RETREG1: variants seen among roughly 807,000 people sequenced by gnomAD.
RETREG1 encodes family with sequence similarity 134 member B.
RETREG1 carries 44 observed loss-of-function variants against 54.8 expected under a neutral mutation model. The ratio of observed to expected loss-of-function variants is 0.80; its 90% CI spans 0.63 to 1.03. The LOEUF is 1.03. RETREG1 is among the 50% of genes least tolerant of loss of function. The pLI is 0.00. For missense variants in RETREG1, 554 were observed against 605.1 expected (o/e 0.92, Z 0.89); for synonymous variants, 217 against 238.5 (o/e 0.91, Z 0.83).
chr5:16,545,751 C>T (rs1275645768), intron 3 of RETREG1, among the ~76,000 whole-genome samples: 2 of 152,208 alleles, frequency 1.3e-5, no homozygotes, highest in South Asian at 2.1e-4. Flanking sequence ...CCATAAGATG[C>T]CCCAAGTCCA....
chr5:16,492,068 G>A (rs1739268821), intron 3 of RETREG1, among the ~76,000 whole-genome samples: 1 of 152,114 alleles, frequency 6.6e-6, no homozygotes, highest in Non-Finnish European at 1.5e-5. Flanking sequence ...GTAGAGAACA[G>A]AACTGGGCCC....
At chr5:16,486,158 C>A (rs1739012488) in intron 3 of RETREG1, among the ~76,000 whole-genome samples, 1 of 151,870 alleles carries the variant, frequency 6.6e-6, no homozygotes, top group Non-Finnish European at 1.5e-5. Context: ...TCATTGTGTA[C>A]AACCTGAAAA....
intron 1 of RETREG1, among the ~76,000 whole-genome samples, chr5:16,599,631 G>A (rs1398549690): frequency 1.3e-5 from 2 of 152,302 alleles, no homozygotes; most frequent in East Asian, 3.9e-4. Context: ...CCACGGTGCT[G>A]GGATACATGC....
intron 1 of RETREG1, among the ~76,000 whole-genome samples, chr5:16,599,571 AG>A (rs1170900232): frequency 1.3e-5 from 2 of 152,152 alleles, no homozygotes; most frequent in Admixed American, 6.5e-5. Context: ...GAAAAAGCAG[AG>A]GGTGTCACTA....
rs540486084 is a variant in RETREG1, at chr5:16,519,217, G to A, written c.459-35745C>T. Among the ~76,000 whole-genome samples the A allele has an allele frequency of 6.6e-5, 10 of 152,310 alleles. No individual in the cohort carries two copies. The South Asian group carries it at 2.1e-3, about 32-fold the overall frequency. ...GCTGCGTGGTGGGTGGAATCACACTGAGACTTGTCCTAGATCAGCGGCTTT... is the reference window on the plus strand; with the variant it reads ...GCTGCGTGGTGGGTGGAATCACACTAAGACTTGTCCTAGATCAGCGGCTTT... On this transcript the variant is annotated intron_variant, in intron 3 of 8. Coordinates refer to ENST00000306320, the MANE Select transcript of RETREG1 (RefSeq NM_001034850.3).
At chr5:16,576,038 G>A (rs1742307811) in intron 1 of RETREG1, among the ~76,000 whole-genome samples, 1 of 152,090 alleles carries the variant, frequency 6.6e-6, no homozygotes, top group Admixed American at 6.5e-5. Flanking sequence ...ATATTTGGGA[G>A]GGTTTGTGTT....
chr5:16,482,239 G>A (rs1206553925), intron 4 of RETREG1, among the ~76,000 whole-genome samples: 1 of 151,944 alleles, frequency 6.6e-6, no homozygotes, highest in Non-Finnish European at 1.5e-5. Flanking sequence ...GCCAAGAAAA[G>A]CATTACTATA....
At chr5:16,526,740 C>G (rs532791985) in intron 3 of RETREG1, among the ~76,000 whole-genome samples, 1 of 152,226 alleles carries the variant, frequency 6.6e-6, no homozygotes, top group Non-Finnish European at 1.5e-5. Flanking sequence ...TTCAATATTT[C>G]TAATTCTATT....
chr5:16,477,355 C>T (rs1424710503), intron 8 of RETREG1, among the ~76,000 whole-genome samples: 1 of 152,124 alleles, frequency 6.6e-6, no homozygotes, highest in African/African-American at 2.4e-5. Context: ...TTAACAGTCA[C>T]TCACTATTCC....
At chr5:16,602,889 T>C (rs1199987092) in intron 1 of RETREG1, among the ~76,000 whole-genome samples, 2 of 151,998 alleles carry the variant, frequency 1.3e-5, no homozygotes, top group African/African-American at 4.8e-5. Flanking sequence ...ATGCCTGTAA[T>C]CCCAGCTACT....
chr5:16,492,229 T>TCTCTCTCTCTCTCACACACACA (rs1406702350), intron 3 of RETREG1, among the ~76,000 whole-genome samples: 6 of 110,570 alleles, frequency 5.4e-5, no homozygotes, highest in African/African-American at 1.9e-4. Context: ...TCTCTCTCTC[T>TCTCTCTCTCTCTCACACACACA]CACACACACA....
intron 3 of RETREG1, among the ~76,000 whole-genome samples, chr5:16,496,088 T>C (rs1739442885): frequency 6.6e-6 from 1 of 152,066 alleles, no homozygotes; most frequent in African/African-American, 2.4e-5. Flanking sequence ...ATTTTTCTGC[T>C]CATCCCCCCA....
intron 1 of RETREG1, among the ~76,000 whole-genome samples, chr5:16,589,450 C>T (rs1462044637): frequency 6.6e-6 from 1 of 152,134 alleles, no homozygotes; most frequent in Non-Finnish European, 1.5e-5. Context: ...TCTCGGCTCA[C>T]TGCAACCTCC....
intron 3 of RETREG1, among the ~76,000 whole-genome samples, chr5:16,528,365 TTA>T (rs1361130930): frequency 6.6e-6 from 1 of 152,174 alleles, no homozygotes; most frequent in Non-Finnish European, 1.5e-5. Flanking sequence ...CTCTTTAAAT[TTA>T]TATTCCTGGA....
At position 16,616,708 on chromosome 5, in the gene RETREG1, G is replaced by A. The variant is rs750040156; in HGVS notation, c.264C>T (p.Ser88=). ...GCAGGCTCCGCAGCGGCCTCTTCCAGCTCAGCAGCTCGTCGGCGCGGCAGC... is the reference window on the plus strand; with the variant it reads ...GCAGGCTCCGCAGCGGCCTCTTCCAACTCAGCAGCTCGTCGGCGCGGCAGC... ...WLGCRADELL[S]WKRPLRSLLG... Residue 88 remains serine, a synonymous_variant, in exon 1 of 9, where the codon AGC becomes AGT. Coordinates refer to ENST00000306320, the MANE Select transcript of RETREG1 (RefSeq NM_001034850.3). The A allele has an allele frequency of 2.3e-5, 37 of 1,591,108 alleles. No individual in the cohort carries two copies. Among genetic ancestry groups the A allele is most frequent in the African/African-American group, 5.4e-5 (4 of 74,426 alleles).
chr5:16,552,973 A>C (rs1188280458), intron 3 of RETREG1, among the ~76,000 whole-genome samples: 1 of 152,248 alleles, frequency 6.6e-6, no homozygotes, highest in Non-Finnish European at 1.5e-5. Context: ...CAGACTAAAG[A>C]CAAAAAAACC....
At chr5:16,599,330 C>G (rs1742987552) in intron 1 of RETREG1, among the ~76,000 whole-genome samples, 1 of 152,186 alleles carries the variant, frequency 6.6e-6, no homozygotes, top group Non-Finnish European at 1.5e-5. Flanking sequence ...ATATTCTAAT[C>G]AGTAAACTTT....
rs1738749477 is a variant in RETREG1, at chr5:16,481,058, A to G, written c.621T>C (p.Phe207=). ...CAGGAATGTAACTTCCCAAGATCGT[A>G]AAAAATGTGCACACACTACAGACCA... ...CLLVCSVCTF[F]TILGSYIPGV... The change falls in exon 5 of 9, where the codon TTT becomes TTC. Residue 207 remains phenylalanine, a synonymous_variant. Coordinates refer to ENST00000306320, the MANE Select transcript of RETREG1 (RefSeq NM_001034850.3). The G allele has an allele frequency of 6.2e-7, 1 of 1,611,662 alleles. No individual in the cohort carries two copies. Among genetic ancestry groups the G allele is most frequent in the Non-Finnish European group, 8.5e-7 (1 of 1,178,156 alleles).
At chr5:16,581,565 A>ACAC (rs1561128532) in intron 1 of RETREG1, among the ~76,000 whole-genome samples, 138 of 144,138 alleles carry the variant, frequency 9.6e-4, no homozygotes, top group African/African-American at 3.5e-3. Flanking sequence ...ACACACACAC[A>ACAC]AAACACACAC....
Sources: allele counts gnomAD v4.1 joint callset (sites outside exome capture counted in the v4.1 genomes callset), GRCh38; gene constraint gnomAD v4.1.1; transcripts MANE v1.5; gene names NCBI Gene and HGNC (gene_info 2026-07-23, HGNC 2026-07-21).